Variants in PTPRZ1 observed in about 807,000 individuals in gnomAD.
PTPRZ1 encodes receptor-type tyrosine-protein phosphatase zeta.
Under a neutral mutation model 214.1 loss-of-function variants are expected in PTPRZ1, and 82 were observed. The observed-to-expected ratio is 0.38, with a 90% CI of 0.32 to 0.46. The LOEUF (loss-of-function observed/expected upper bound fraction) is 0.46, where lower values mean the gene tolerates loss of function less well. Among genes scored for constraint, PTPRZ1 ranks in the 20% least tolerant of loss-of-function variants. The pLI, the probability that PTPRZ1 is intolerant of heterozygous loss-of-function variation, is 1.00. For missense variants in PTPRZ1, 2,603 were observed against 2,748.7 expected, an observed-to-expected ratio of 0.95 and a Z score of 1.19; for synonymous variants, 945 against 987.9, an observed-to-expected ratio of 0.96 and a Z score of 0.81.
intron 28 of PTPRZ1, chr7:122,059,544 G>A (rs1792496025): frequency 5.9e-6 from 3 of 512,280 alleles, no homozygotes; most frequent in African/African-American, 1.9e-5. Context: ...CTAAACTTCT[G>A]TAAAGTATTC....
At position 122,044,422 on chromosome 7, in the gene PTPRZ1, G is replaced by A. The variant is rs779486827; in HGVS notation, c.5938G>A (p.Glu1980Lys). Residue 1980 changes from glutamate (E) to lysine (K), a missense_variant and splice_region_variant, in exon 23 of 30, where the codon GAG becomes AAG. By Grantham distance (56) the Glu-to-Lys change is moderately conservative. Transcript: ENST00000393386. Reference protein sequence around the residue: ...SQRNYLVQTEEQYVFIHDTLV... With the variant: ...SQRNYLVQTEKQYVFIHDTLV... ...TTGCTTATTGTCATTGTTTTGCCAG[G>A]AGCAATATGTCTTCATTCATGATAC... The A allele has an allele frequency of 3.7e-6, 6 of 1,613,424 alleles. No individual in the cohort carries two copies. Among genetic ancestry groups the A allele is most frequent in the Admixed American group, 3.3e-5 (2 of 59,970 alleles).
intron 1 of PTPRZ1, among the ~76,000 whole-genome samples, chr7:121,888,239 A>G (rs973188160): frequency 2.0e-5 from 3 of 151,874 alleles, no homozygotes; most frequent in African/African-American, 7.3e-5. Flanking sequence ...ATTTTGTGTC[A>G]AGAATCGAAT....
At chr7:122,051,337 GTGTGTGTGTGTGTCTGTATGTA>G in intron 23 of PTPRZ1, 69 bp from the exon 24 acceptor site, 1 of 742,642 alleles carries the variant, frequency 1.3e-6, no homozygotes, top group Non-Finnish European at 2.2e-6. Context: ...CTTGATTGGT[GTGTGTGTGTGTGTCTGTATGTA>G]TGTGTGTGTG....
At chr7:121,891,449 C>CTTTTTT (rs1491092789) in intron 1 of PTPRZ1, among the ~76,000 whole-genome samples, 1 of 57,930 alleles carries the variant, frequency 1.7e-5, no homozygotes, top group Non-Finnish European at 3.4e-5. Flanking sequence ...ATAAAACAAC[C>CTTTTTT]TCTTTTTTTT....
At chr7:121,900,802 G>T (rs1370229117) in intron 1 of PTPRZ1, among the ~76,000 whole-genome samples, 1 of 152,120 alleles carries the variant, frequency 6.6e-6, no homozygotes, top group African/African-American at 2.4e-5. Context: ...CAGTGTTTGG[G>T]ATGCAAAATA....
intron 1 of PTPRZ1, among the ~76,000 whole-genome samples, chr7:121,885,876 T>C (rs1794379736): frequency 6.6e-6 from 1 of 152,202 alleles, no homozygotes; most frequent in Admixed American, 6.5e-5. Context: ...TGTATTAGAC[T>C]TGATGGCATT....
intron 8 of PTPRZ1, among the ~76,000 whole-genome samples, chr7:121,990,439 T>C (rs1797917451): frequency 6.6e-6 from 1 of 151,508 alleles, no homozygotes. Context: ...CATCATGGAA[T>C]GGACACTGGC....
At chr7:121,948,074 C>A (rs1796439114) in intron 2 of PTPRZ1, among the ~76,000 whole-genome samples, 1 of 152,042 alleles carries the variant, frequency 6.6e-6, no homozygotes, top group South Asian at 2.1e-4. Context: ...AGAGAACAGG[C>A]ATGAGAGCTA....
intron 1 of PTPRZ1, among the ~76,000 whole-genome samples, chr7:121,895,923 C>T (rs1327360368): frequency 2.0e-5 from 3 of 152,196 alleles, no homozygotes. Flanking sequence ...TTAGAATCCC[C>T]CTTTCTGCCC....
chr7:121,939,546 C>T (rs553131974), intron 2 of PTPRZ1, among the ~76,000 whole-genome samples: 2 of 152,324 alleles, frequency 1.3e-5, no homozygotes, highest in South Asian at 4.1e-4. Context: ...ATGCATATAA[C>T]ATACTCATAT....
At position 122,044,668 on chromosome 7, in the gene PTPRZ1, G is replaced by A. The variant is rs561558862; in HGVS notation, c.6084+100G>A. ...GGGTCACGTTGAGTGGGCAGTATGG[G>A]TACAATGACTTTGTATTTGAGCCAT... is the stretch of plus-strand genomic sequence containing the variant. On this transcript the variant is annotated intron_variant, in intron 23 of 29. Transcript: ENST00000393386. 6.5e-4 allele frequency: 781 copies of A among 1,193,244 alleles called. 3 individuals are homozygous for A. In the Middle Eastern group the frequency reaches 0.012, roughly 18 times the overall value. 73.9% of individuals were successfully genotyped at this position (1,193,244 alleles called of 1,614,324 possible). A position where few individuals can be genotyped will look rare whatever the true frequency, so the allele number is the denominator to read the frequency against.
At chr7:121,971,112 T>G (rs1797231461) in intron 3 of PTPRZ1, among the ~76,000 whole-genome samples, 1 of 152,174 alleles carries the variant, frequency 6.6e-6, no homozygotes, top group Admixed American at 6.5e-5. Context: ...CAGATAGCTG[T>G]AGATGTGTGG....
chr7:121,904,968 G>C (rs895444845), intron 1 of PTPRZ1, among the ~76,000 whole-genome samples: 1 of 152,166 alleles, frequency 6.6e-6, no homozygotes, highest in African/African-American at 2.4e-5. Context: ...TAGATTTAAA[G>C]TAATTACGTT....
intron 4 of PTPRZ1, among the ~76,000 whole-genome samples, chr7:121,975,320 C>CT (rs1358067457): frequency 6.6e-6 from 1 of 152,182 alleles, no homozygotes; most frequent in African/African-American, 2.4e-5. Flanking sequence ...ATTTCCCATG[C>CT]TTGTCATACT....
At chr7:121,907,794 A>G (rs1795161155) in intron 1 of PTPRZ1, among the ~76,000 whole-genome samples, 1 of 152,066 alleles carries the variant, frequency 6.6e-6, no homozygotes, top group Non-Finnish European at 1.5e-5. Flanking sequence ...CTAATTAAAA[A>G]TATCAAACAC....
chr7:121,985,845 T>C (rs2116575032), intron 8 of PTPRZ1, among the ~76,000 whole-genome samples: 1 of 152,350 alleles, frequency 6.6e-6, no homozygotes, highest in South Asian at 2.1e-4. Flanking sequence ...ATGGTAATTG[T>C]CTATTTACTT....
At chr7:121,955,317 G>A (rs185217287) in intron 2 of PTPRZ1, among the ~76,000 whole-genome samples, 2 of 152,262 alleles carry the variant, frequency 1.3e-5, no homozygotes, top group African/African-American at 4.8e-5. Flanking sequence ...TGAAGAAGGG[G>A]GAAAGTTAAT....
In PTPRZ1 at chr7:122,025,393, G is replaced by A. The variant is rs185697096; in HGVS notation, c.4989-3159G>A. ...TGCCCAGGCTGGAGTGCAATGGTGC[G>A]ATCTCAGCTCACCGCAACCTCCACC... On this transcript the variant is annotated intron_variant, in intron 13 of 29. Coordinates refer to ENST00000393386, the MANE Select transcript of PTPRZ1 (RefSeq NM_002851.3). 3.6e-3 allele frequency among the ~76,000 whole-genome samples: 534 copies of A among 148,430 alleles called. 3 individuals are homozygous for A. Among genetic ancestry groups the A allele is most frequent in the African/African-American group, 0.012 (475 of 40,158 alleles).
Position 121,879,817 on chromosome 7 carries a change from T to A in PTPRZ1, c.58+6260T>A, listed in dbSNP as rs138826555. 2.1e-3 allele frequency among the ~76,000 whole-genome samples: 325 copies of A among 152,128 alleles called. 2 individuals are homozygous for A. Among genetic ancestry groups the A allele is most frequent in the African/African-American group, 7.6e-3 (314 of 41,514 alleles). ...TCCTTCTATTTTTCCTTCCTTCCCC[T>A]TTCCTCCCTTCTTCCCTCCCTTCCT... On this transcript the variant is annotated intron_variant, in intron 1 of 29. Transcript: ENST00000393386.
Sources: allele counts gnomAD v4.1 joint callset (sites outside exome capture counted in the v4.1 genomes callset), GRCh38; gene constraint gnomAD v4.1.1; transcripts MANE v1.5; gene names NCBI Gene and HGNC (gene_info 2026-07-23, HGNC 2026-07-21).